The following RIMS2 variants were observed in gnomAD, a reference collection of about 807,000 sequenced individuals.
The protein encoded by RIMS2 is regulating synaptic membrane exocytosis protein 2.
In RIMS2, 59 loss-of-function variants were observed where a neutral mutation model predicts 174.4. The observed-to-expected ratio is 0.34, with a 90% CI of 0.27 to 0.42. The LOEUF (loss-of-function observed/expected upper bound fraction) is 0.42, where lower values mean the gene tolerates loss of function less well. RIMS2 is among the 10% of genes least tolerant of loss of function. RIMS2 has a pLI of 1.00. For missense variants in RIMS2, 1,620 were observed against 1,666.3 expected, an observed-to-expected ratio of 0.97 and a Z score of 0.48; for synonymous variants, 606 against 572.5, an observed-to-expected ratio of 1.06 and a Z score of -0.84.
chr8:103,567,214 T>C (rs1349803388), intron 1 of RIMS2, among the ~76,000 whole-genome samples: 1 of 152,222 alleles, frequency 6.6e-6, no homozygotes, highest in Non-Finnish European at 1.5e-5. Context: ...CCGTATGGCA[T>C]TTGGTACATT....
At chr8:104,218,230 T>C (rs2099139644) in intron 19 of RIMS2, among the ~76,000 whole-genome samples, 1 of 152,212 alleles carries the variant, frequency 6.6e-6, no homozygotes. Context: ...AACACTTAAA[T>C]AGTGATGGAA....
chr8:103,640,814 G>C (rs1353547264), intron 1 of RIMS2, among the ~76,000 whole-genome samples: 1 of 152,028 alleles, frequency 6.6e-6, no homozygotes, highest in Non-Finnish European at 1.5e-5. Context: ...TGCTTGAGAA[G>C]AATGTGTATT....
chr8:103,698,959 C>G (rs564631173), intron 2 of RIMS2, among the ~76,000 whole-genome samples: 1 of 151,972 alleles, frequency 6.6e-6, no homozygotes, highest in Admixed American at 6.6e-5. Flanking sequence ...TAGATTACAC[C>G]AGTGAAGCCA....
intron 3 of RIMS2, among the ~76,000 whole-genome samples, chr8:103,828,306 A>G (rs2098804142): frequency 6.6e-6 from 1 of 152,144 alleles, no homozygotes; most frequent in South Asian, 2.1e-4. Context: ...CACCAGCAGA[A>G]CCATCCGGAC....
At chr8:104,178,585 T>A (rs993750283) in intron 19 of RIMS2, among the ~76,000 whole-genome samples, 1 of 152,152 alleles carries the variant, frequency 6.6e-6, no homozygotes, top group Non-Finnish European at 1.5e-5. Flanking sequence ...AGTGTTTGAA[T>A]AGCCACAGGA....
At chr8:104,208,361 A>G (rs549561683) in intron 19 of RIMS2, among the ~76,000 whole-genome samples, 1 of 152,256 alleles carries the variant, frequency 6.6e-6, no homozygotes, top group South Asian at 2.1e-4. Flanking sequence ...TGAGTTCAGG[A>G]GTTCGAGACC....
At chr8:103,979,893 C>A (rs2093749694) in intron 16 of RIMS2, among the ~76,000 whole-genome samples, 1 of 152,072 alleles carries the variant, frequency 6.6e-6, no homozygotes, top group African/African-American at 2.4e-5. Flanking sequence ...AGCATTTGGA[C>A]CAGATTTAGC....
chr8:103,904,655 AT>A (rs1243635860), intron 4 of RIMS2, among the ~76,000 whole-genome samples: 1 of 152,072 alleles, frequency 6.6e-6, no homozygotes, highest in African/African-American at 2.4e-5. Context: ...GTCATAGTGT[AT>A]AATTCTTTTT....
At chr8:104,167,518 A>G (rs2098805017) in intron 19 of RIMS2, among the ~76,000 whole-genome samples, 1 of 151,226 alleles carries the variant, frequency 6.6e-6, no homozygotes, top group Non-Finnish European at 1.5e-5. Context: ...TTTTGCTTGG[A>G]TTATTTGTTT....
rs1246827376 is a variant in RIMS2 at position 103,561,296 on chromosome 8, T to C, written c.176+60234T>C. Among the ~76,000 whole-genome samples, 3 of 152,180 alleles carry C rather than the reference T, an allele frequency of 2.0e-5. No individual in the cohort carries two copies. The East Asian group carries it at 5.8e-4, about 29-fold the overall frequency. ...CTGGCTAGATAAAAATAATAGGAAT[T>C]CCAAATGACTATATATTTGAAAAAT... is the stretch of plus-strand genomic sequence containing the variant. On this transcript the variant is annotated intron_variant, in intron 1 of 23. Coordinates refer to ENST00000504942, the Ensembl canonical transcript of RIMS2.
chr8:103,741,367 C>T (rs2097760327), intron 2 of RIMS2, among the ~76,000 whole-genome samples: 1 of 152,066 alleles, frequency 6.6e-6, no homozygotes, highest in Non-Finnish European at 1.5e-5. Context: ...TTGGTTAGAA[C>T]AATTCACTCA....
At chr8:104,130,031 A>G (rs1307730403) in intron 19 of RIMS2, among the ~76,000 whole-genome samples, 1 of 152,224 alleles carries the variant, frequency 6.6e-6, no homozygotes, top group Non-Finnish European at 1.5e-5. Context: ...TCCTTACGTT[A>G]CTAGGAGTTT....
At chr8:103,513,996 A>G (rs750384612) in intron 1 of RIMS2, among the ~76,000 whole-genome samples, 50 of 151,830 alleles carry the variant, frequency 3.3e-4, no homozygotes, top group Non-Finnish European at 5.1e-4. Context: ...TGTTTAACGT[A>G]TCAGTGTTTC....
At chr8:103,531,899 C>G (rs1472098448) in intron 1 of RIMS2, among the ~76,000 whole-genome samples, 1 of 152,142 alleles carries the variant, frequency 6.6e-6, no homozygotes. Flanking sequence ...TCTCAGCAGA[C>G]TTTGTACCTG....
chr8:104,014,655 A>G (rs1468486904), intron 19 of RIMS2, 40 bp downstream of exon 21: 2 of 1,244,574 alleles, frequency 1.6e-6, no homozygotes, highest in Middle Eastern at 1.9e-4. Flanking sequence ...GGAAATACAC[A>G]TGGAAGCTAA....
At chr8:103,586,113 G>T (rs1372747144) in intron 1 of RIMS2, among the ~76,000 whole-genome samples, 2 of 152,206 alleles carry the variant, frequency 1.3e-5, no homozygotes, top group Middle Eastern at 3.4e-3. Flanking sequence ...TATTATTAGA[G>T]CTAAAGAGAG....
At chr8:103,772,738 C>G (rs2098268074) in intron 3 of RIMS2, among the ~76,000 whole-genome samples, 1 of 152,056 alleles carries the variant, frequency 6.6e-6, no homozygotes, top group Non-Finnish European at 1.5e-5. Context: ...AACATTGTGG[C>G]ATTGGCATAA....
intron 19 of RIMS2, among the ~76,000 whole-genome samples, chr8:104,229,764 C>A (rs951762582): frequency 2.6e-5 from 4 of 151,080 alleles, no homozygotes; most frequent in African/African-American, 9.8e-5. Flanking sequence ...TTTCTCAGTC[C>A]CACTCCCAAA....
intron 2 of RIMS2, among the ~76,000 whole-genome samples, chr8:103,726,739 A>ATTTTATTTATATTAAT: frequency 6.8e-6 from 1 of 147,678 alleles, no homozygotes; most frequent in African/African-American, 2.5e-5. Context: ...TTATATATAT[A>ATTTTATTTATATTAAT]TATATATTTT....
Sources: allele counts gnomAD v4.1 joint callset (sites outside exome capture counted in the v4.1 genomes callset), GRCh38; gene constraint gnomAD v4.1.1; transcripts MANE v1.5; gene names NCBI Gene and HGNC (gene_info 2026-07-23, HGNC 2026-07-21).